The following ATXN1 variants were observed in gnomAD, a reference collection of about 807,000 sequenced individuals.
ATXN1 encodes ataxin 1.
Under a neutral mutation model 56.4 loss-of-function variants are expected in ATXN1, and 8 were observed. The ratio of observed to expected loss-of-function variants is 0.14; its 90% confidence interval spans 0.08 to 0.26. The LOEUF (loss-of-function observed/expected upper bound fraction) is 0.26. Among genes scored for constraint, ATXN1 ranks in the 10% least tolerant of loss-of-function variants. ATXN1 has a pLI of 1.00. For synonymous variants in ATXN1, 514 were observed against 494.6 expected (o/e 1.04, Z -0.52); for missense variants, 987 against 1,106.5 (o/e 0.89, Z 1.53).
At chr6:16,515,298 A>G (rs1247994738) in intron 5 of ATXN1, among the ~76,000 whole-genome samples, 2 of 152,046 alleles carry the variant, frequency 1.3e-5, no homozygotes, top group Non-Finnish European at 2.9e-5. Flanking sequence ...TCATCTCACT[A>G]AAACATGGTT....
At chr6:16,318,120 T>C (rs1274544042) in intron 7 of ATXN1, among the ~76,000 whole-genome samples, 2 of 152,252 alleles carry the variant, frequency 1.3e-5, no homozygotes, top group African/African-American at 4.8e-5. Flanking sequence ...GCTATGTCTA[T>C]ATACACACAT....
intron 6 of ATXN1, among the ~76,000 whole-genome samples, chr6:16,393,844 T>G (rs2113525368): frequency 6.6e-6 from 1 of 152,080 alleles, no homozygotes; most frequent in South Asian, 2.1e-4. Context: ...AGTGAAATCT[T>G]GTCTGTATTA....
chr6:16,461,735 G>GCCAC (rs1433686059), intron 6 of ATXN1, among the ~76,000 whole-genome samples: 4 of 152,174 alleles, frequency 2.6e-5, no homozygotes, highest in African/African-American at 9.7e-5. Context: ...GGCTCTTAAA[G>GCCAC]CCACGGTAAC....
intron 6 of ATXN1, among the ~76,000 whole-genome samples, chr6:16,375,774 T>C (rs1762130657): frequency 6.6e-6 from 1 of 152,180 alleles, no homozygotes. Flanking sequence ...GGAATTGAAA[T>C]AGTCCAAGCT....
rs916443632 is a variant in ATXN1, at chr6:16,540,905, T to C, written c.-360-18217A>G. On this transcript the variant is annotated intron_variant, in intron 4 of 7. Transcript: ENST00000436367. ...TGACTCTAATTAATCCTTAAATTGC[T>C]GTGGGAGACAGGCTGAGAATATATG... Among the ~76,000 whole-genome samples, 3 of 152,218 alleles carry C rather than the reference T, an allele frequency of 2.0e-5. No individual in the cohort carries two copies. The South Asian group carries it at 6.2e-4, about 32-fold the overall frequency.
At chr6:16,473,997 C>A (rs991677204) in intron 6 of ATXN1, among the ~76,000 whole-genome samples, 1 of 152,222 alleles carries the variant, frequency 6.6e-6, no homozygotes, top group African/African-American at 2.4e-5. Flanking sequence ...TAAACTCTTT[C>A]AATGACCACT....
chr6:16,341,923 C>G (rs1004908462), intron 6 of ATXN1, among the ~76,000 whole-genome samples: 1 of 145,630 alleles, frequency 6.9e-6, no homozygotes, highest in Non-Finnish European at 1.5e-5. Flanking sequence ...GCTCTGTCAC[C>G]CAGGCTGGTG....
chr6:16,599,753 G>C (rs987628040), intron 3 of ATXN1, among the ~76,000 whole-genome samples: 10 of 151,808 alleles, frequency 6.6e-5, no homozygotes, highest in Admixed American at 3.3e-4. Flanking sequence ...GGAACAAGAG[G>C]GTTATTTAAA....
chr6:16,728,053 C>T (rs1369291437), intron 2 of ATXN1, among the ~76,000 whole-genome samples: 1 of 152,198 alleles, frequency 6.6e-6, no homozygotes, highest in Non-Finnish European at 1.5e-5. Flanking sequence ...GTGAGGATTA[C>T]AGAGATTAAA....
chr6:16,740,555 C>T (rs563966342), intron 2 of ATXN1, among the ~76,000 whole-genome samples: 3 of 152,256 alleles, frequency 2.0e-5, no homozygotes, highest in African/African-American at 7.2e-5. Context: ...TTCAACCTTG[C>T]TGTCATGGGT....
chr6:16,449,207 C>G (rs1759696782), intron 6 of ATXN1, among the ~76,000 whole-genome samples: 1 of 152,092 alleles, frequency 6.6e-6, no homozygotes, highest in African/African-American at 2.4e-5. Context: ...AAGTGAGCAC[C>G]CTAGTACAGC....
At chr6:16,384,758 C>T (rs1345633852) in intron 6 of ATXN1, among the ~76,000 whole-genome samples, 3 of 152,232 alleles carry the variant, frequency 2.0e-5, no homozygotes, top group Admixed American at 6.5e-5. Context: ...GCTGGCTTCC[C>T]CTTCTCCTTC....
chr6:16,470,120 C>G (rs1760188839), intron 6 of ATXN1, among the ~76,000 whole-genome samples: 1 of 152,056 alleles, frequency 6.6e-6, no homozygotes, highest in Admixed American at 6.6e-5. Flanking sequence ...TAAATGTGGT[C>G]TACACATACA....
intron 4 of ATXN1, among the ~76,000 whole-genome samples, chr6:16,550,763 T>C (rs1761907987): frequency 6.6e-6 from 1 of 152,248 alleles, no homozygotes; most frequent in African/African-American, 2.4e-5. Context: ...ACACAGTCTG[T>C]ATTAGATTAT....
At chr6:16,551,170 T>G (rs575363628) in intron 4 of ATXN1, among the ~76,000 whole-genome samples, 1 of 152,282 alleles carries the variant, frequency 6.6e-6, no homozygotes, top group South Asian at 2.1e-4. Context: ...AGAAGCCACA[T>G]GTATTTCTGT....
chr6:16,607,322 A>G (rs9464924), intron 3 of ATXN1, among the ~76,000 whole-genome samples: 1,757 of 152,350 alleles, frequency 0.012, 32 homozygotes, highest in African/African-American at 0.041. Context: ...TCTAGCTCCC[A>G]AGTTCTGCAA....
At chr6:16,449,614 C>T (rs1324710623) in intron 6 of ATXN1, among the ~76,000 whole-genome samples, 2 of 152,134 alleles carry the variant, frequency 1.3e-5, no homozygotes, top group East Asian at 1.9e-4. Flanking sequence ...TCCTCCAAAT[C>T]GCAGGCTTAC....
rs570048876 is a variant in ATXN1 at position 16,717,119 on chromosome 6, C to G, written c.-615+36114G>C. On this transcript the variant is annotated intron_variant, in intron 2 of 7. Transcript: ENST00000436367. ...ACCATCACCACTACCCCTGCCCCAG[C>G]CAGCACCTGATGAAATATAGTCATG... Among the ~76,000 whole-genome samples, 8 of 152,378 alleles carry G rather than the reference C, an allele frequency of 5.3e-5. No homozygotes were observed. The East Asian group carries it at 1.5e-3, about 29-fold the overall frequency.
intron 6 of ATXN1, among the ~76,000 whole-genome samples, chr6:16,348,677 A>G (rs1436938129): frequency 1.3e-5 from 2 of 152,132 alleles, no homozygotes; most frequent in Non-Finnish European, 2.9e-5. Flanking sequence ...CCTGGGCGAC[A>G]GGAGTGAAAC....
Sources: allele counts gnomAD v4.1 joint callset (sites outside exome capture counted in the v4.1 genomes callset), GRCh38; gene constraint gnomAD v4.1.1; transcripts MANE v1.5; gene names NCBI Gene and HGNC (gene_info 2026-07-23, HGNC 2026-07-21).